Variants in HIVEP1 observed in about 807,000 individuals in gnomAD.
HIVEP1 encodes HIVEP zinc finger 1, also known as zinc finger protein 40.
HIVEP1 carries 36 observed loss-of-function variants against 180.0 expected under a neutral mutation model. The ratio of observed to expected loss-of-function variants is 0.20; its 90% CI spans 0.15 to 0.26. The LOEUF (loss-of-function observed/expected upper bound fraction) is 0.26. Ranked by LOEUF, HIVEP1 falls within the 10% of genes least tolerant of loss-of-function variation. The pLI is 1.00. For synonymous variants in HIVEP1, 1,239 were observed against 1,239.0 expected, an observed-to-expected ratio of 1.00 and a Z score of 0.00; for missense variants, 3,143 against 3,268.7, an observed-to-expected ratio of 0.96 and a Z score of 0.94.
chr6:12,177,628 C>T, the HIVEP1 span, among the ~76,000 whole-genome samples: 1 of 152,110 alleles, frequency 6.6e-6, no homozygotes, highest in Non-Finnish European at 1.5e-5. Context: ...TGTTATTAAT[C>T]TGGGGAGACC....
intron 4 of HIVEP1, among the ~76,000 whole-genome samples, chr6:12,128,600 G>A (rs1296888834): frequency 6.6e-6 from 1 of 152,130 alleles, no homozygotes; most frequent in African/African-American, 2.4e-5. Context: ...CACCCTGAGA[G>A]CGTCCTTCCT....
chr6:12,195,399 A>G, the HIVEP1 span, among the ~76,000 whole-genome samples: 1 of 152,246 alleles, frequency 6.6e-6, no homozygotes, highest in Non-Finnish European at 1.5e-5. Context: ...AATGGGGAAA[A>G]TAAGGATTCT....
intron 2 of HIVEP1, among the ~76,000 whole-genome samples, chr6:12,071,246 TG>T (rs1771949540): frequency 6.6e-6 from 1 of 152,198 alleles, no homozygotes; most frequent in Non-Finnish European, 1.5e-5. Flanking sequence ...GTGTGTAAAT[TG>T]TGCAAGCCAC....
At chr6:12,033,537 G>A (rs1465289188) in intron 2 of HIVEP1, among the ~76,000 whole-genome samples, 1 of 152,186 alleles carries the variant, frequency 6.6e-6, no homozygotes, top group Non-Finnish European at 1.5e-5. Context: ...GTTCTCTTCT[G>A]TGATATTTAA....
At chr6:12,026,817 G>A (rs919700922) in intron 2 of HIVEP1, among the ~76,000 whole-genome samples, 1 of 152,200 alleles carries the variant, frequency 6.6e-6, no homozygotes, top group Non-Finnish European at 1.5e-5. Flanking sequence ...AGATCATCAT[G>A]TGTATGAATA....
intron 3 of HIVEP1, among the ~76,000 whole-genome samples, chr6:12,106,779 A>C (rs1774457115): frequency 6.6e-6 from 1 of 152,214 alleles, no homozygotes; most frequent in South Asian, 2.1e-4. Context: ...GAATCCTCTT[A>C]TTATCCCAGA....
intron 3 of HIVEP1, among the ~76,000 whole-genome samples, chr6:12,101,335 G>T (rs758108332): frequency 1.3e-5 from 2 of 152,060 alleles, no homozygotes; most frequent in Non-Finnish European, 2.9e-5. Context: ...GTGTTTAAAA[G>T]ACATAGTTAA....
intron 3 of HIVEP1, among the ~76,000 whole-genome samples, chr6:12,109,518 T>A (rs751218733): frequency 6.6e-6 from 1 of 152,240 alleles, no homozygotes; most frequent in Non-Finnish European, 1.5e-5. Context: ...TCACCAGAAA[T>A]AGATTTCATC....
chr6:12,068,703 A>G (rs1481658653), intron 2 of HIVEP1, among the ~76,000 whole-genome samples: 1 of 152,206 alleles, frequency 6.6e-6, no homozygotes, highest in Non-Finnish European at 1.5e-5. Context: ...GCAAGCAGGC[A>G]CTTATATACT....
chr6:12,133,059 T>C (rs1014546894), intron 6 of HIVEP1, among the ~76,000 whole-genome samples: 9 of 152,098 alleles, frequency 5.9e-5, no homozygotes, highest in African/African-American at 1.9e-4. Context: ...AAGGAAATAG[T>C]GATGTGATGG....
At chr6:12,163,214 G>A (rs769341208) in intron 8 of HIVEP1, 69 bp from the exon 9 acceptor site, 9 of 1,079,492 alleles carry the variant, frequency 8.3e-6, no homozygotes, top group Non-Finnish European at 9.6e-6. Flanking sequence ...AATAGATTTA[G>A]CACTAGCTTT....
chr6:12,064,241 G>A (rs1022344682), intron 2 of HIVEP1, among the ~76,000 whole-genome samples: 3 of 152,040 alleles, frequency 2.0e-5, no homozygotes, highest in African/African-American at 4.8e-5. Context: ...TAGTGGGAAC[G>A]GCATATGTAT....
intron 3 of HIVEP1, among the ~76,000 whole-genome samples, chr6:12,109,768 C>G (rs1774766329): frequency 1.3e-5 from 2 of 152,228 alleles, no homozygotes; most frequent in African/African-American, 4.8e-5. Flanking sequence ...TTGACCTCCT[C>G]TCATCAATCA....
chr6:12,043,768 C>T (rs1195872291), intron 2 of HIVEP1, among the ~76,000 whole-genome samples: 7 of 152,274 alleles, frequency 4.6e-5, no homozygotes, highest in South Asian at 4.2e-4. Flanking sequence ...CTCGTTGAAC[C>T]GACGCTGATC....
chr6:12,207,755 A>AATAATAATG, the HIVEP1 span, among the ~76,000 whole-genome samples: 1 of 148,814 alleles, frequency 6.7e-6, no homozygotes, highest in African/African-American at 2.4e-5. Context: ...TAATAATAAT[A>AATAATAATG]ATAATAATAA....
At chr6:12,161,372 A>T (rs899483866) in intron 7 of HIVEP1, 67 bp from the exon 8 acceptor site, 81 of 1,482,820 alleles carry the variant, frequency 5.5e-5, no homozygotes, top group Non-Finnish European at 7.2e-5. Flanking sequence ...CGTATAAAAA[A>T]TTTTTAAAAT....
intron 7 of HIVEP1, among the ~76,000 whole-genome samples, chr6:12,159,917 A>G (rs1192658174): frequency 3.9e-5 from 6 of 152,192 alleles, no homozygotes; most frequent in African/African-American, 9.7e-5. Flanking sequence ...AATCTTTTCT[A>G]TGGGTCTTCT....
intron 2 of HIVEP1, among the ~76,000 whole-genome samples, chr6:12,077,170 C>T (rs924591280): frequency 6.6e-6 from 1 of 152,116 alleles, no homozygotes; most frequent in Non-Finnish European, 1.5e-5. Context: ...GATTATGTAA[C>T]AAAAATTCAG....
intron 4 of HIVEP1, among the ~76,000 whole-genome samples, chr6:12,129,115 T>G (rs1389680462): frequency 6.6e-6 from 1 of 152,110 alleles, no homozygotes; most frequent in Admixed American, 6.5e-5. Flanking sequence ...GAGGCTGAGG[T>G]GGGAGGACCT....
Sources: allele counts gnomAD v4.1 joint callset (sites outside exome capture counted in the v4.1 genomes callset), GRCh38; gene constraint gnomAD v4.1.1; transcripts MANE v1.5; gene names NCBI Gene and HGNC (gene_info 2026-07-23, HGNC 2026-07-21).